Variants in COLQ observed in about 807,000 individuals in gnomAD.
COLQ encodes the protein collagen like tail subunit of asymmetric acetylcholinesterase.
In COLQ, 48 loss-of-function variants were observed where a neutral mutation model predicts 69.0. The observed-to-expected ratio is 0.70, with a 90% CI of 0.55 to 0.88. The LOEUF (loss-of-function observed/expected upper bound fraction) is 0.88. Ranked by LOEUF, COLQ falls within the 40% of genes least tolerant of loss-of-function variation. The pLI, the probability that COLQ is intolerant of heterozygous loss-of-function variation, is 0.00. For synonymous variants in COLQ, 217 were observed against 211.2 expected (o/e 1.03, Z -0.24); for missense variants, 618 against 594.6 (o/e 1.04, Z -0.41).
chr3:15,489,455 A>C (rs2062626805), intron 2 of COLQ, 70 bp downstream of exon 2: 1 of 1,398,216 alleles, frequency 7.2e-7, no homozygotes, highest in Non-Finnish European at 1.0e-6. Context: ...TGGGGCAGGC[A>C]GGTGGGGCTG....
intron 6 of COLQ, among the ~76,000 whole-genome samples, chr3:15,476,804 C>G (rs1007695231): frequency 2.0e-4 from 30 of 152,192 alleles, no homozygotes; most frequent in African/African-American, 7.0e-4. Flanking sequence ...GCTTCCCAGA[C>G]GCAAGCCCCT....
chr3:15,458,584 G>A (rs868357163), intron 12 of COLQ, among the ~76,000 whole-genome samples: 1 of 152,150 alleles, frequency 6.6e-6, no homozygotes, highest in African/African-American at 2.4e-5. Context: ...CAGCAGCCGT[G>A]TTGCAACCAG....
At chr3:15,468,396 G>C (rs1417826390) in intron 11 of COLQ, among the ~76,000 whole-genome samples, 1 of 135,114 alleles carries the variant, frequency 7.4e-6, no homozygotes, top group Admixed American at 8.7e-5. Flanking sequence ...GCAGTGGCGT[G>C]ATCTTAGCTC....
intron 8 of COLQ, among the ~76,000 whole-genome samples, chr3:15,474,585 T>C (rs1250610798): frequency 6.6e-6 from 1 of 151,758 alleles, no homozygotes; most frequent in Non-Finnish European, 1.5e-5. Flanking sequence ...CAGAAGGTTG[T>C]GTGGTGGTGA....
chr3:15,486,134 C>T (rs2062569513), intron 3 of COLQ, among the ~76,000 whole-genome samples: 2 of 152,152 alleles, frequency 1.3e-5, no homozygotes, highest in Non-Finnish European at 2.9e-5. Context: ...GTTTTCATTC[C>T]AATCTCTTGA....
intron 1 of COLQ, among the ~76,000 whole-genome samples, chr3:15,513,013 TG>T (rs1448122557): frequency 2.6e-5 from 4 of 152,238 alleles, no homozygotes; most frequent in Non-Finnish European, 4.4e-5. Context: ...CCAGGCACTG[TG>T]TGACTGCACC....
chr3:15,452,736 C>T (rs1040968568), intron 16 of COLQ, among the ~76,000 whole-genome samples: 1 of 152,132 alleles, frequency 6.6e-6, no homozygotes. Context: ...GGAGTGGGGT[C>T]CTGGCCAAGC....
Position 15,507,091 on chromosome 3 carries a change from G to A in COLQ, c.106+14429C>T, listed in dbSNP as rs117104484. Among the ~76,000 whole-genome samples the A allele has an allele frequency of 9.3e-3, 1,411 of 151,826 alleles. 17 individuals carry two copies. The highest frequency in any genetic ancestry group is 0.048 in the South Asian group (229 of 4,786). On this transcript the variant is annotated intron_variant, in intron 1 of 16. Transcript: ENST00000383788. ...GCTAGGATTACAGCTGTGAGCCACC[G>A]TGCCACCCCACTTTCTTTTCTATGG...
At chr3:15,494,001 T>C (rs772374079) in intron 1 of COLQ, among the ~76,000 whole-genome samples, 13 of 152,198 alleles carry the variant, frequency 8.5e-5, no homozygotes, top group Non-Finnish European at 1.9e-4. Context: ...GAGAATTGCT[T>C]GAACTTGGGA....
rs538856744 is a variant in COLQ, at chr3:15,518,044, C to T, written c.106+3476G>A. ...CACTGCTACCTCCGCCTCCCAGGTT[C>T]AAGCAATTCTCCCGCCTCAGCCTCC... On this transcript the variant is annotated intron_variant, in intron 1 of 16. Transcript: ENST00000383788. Among the ~76,000 whole-genome samples, 8 of 152,304 alleles carry T rather than the reference C, an allele frequency of 5.3e-5. No homozygotes were observed. In the East Asian group the frequency reaches 9.6e-4, roughly 18 times the overall value.
chr3:15,464,548 G>A (rs966626927), intron 12 of COLQ, among the ~76,000 whole-genome samples: 1 of 152,148 alleles, frequency 6.6e-6, no homozygotes, highest in African/African-American at 2.4e-5. Context: ...CTAGTAGGTT[G>A]GACTCTCAGA....
chr3:15,520,416 C>G (rs1180808788), intron 1 of COLQ, among the ~76,000 whole-genome samples: 1 of 152,230 alleles, frequency 6.6e-6, no homozygotes, highest in African/African-American at 2.4e-5. Flanking sequence ...TGCTGATGAG[C>G]TGTTTTTATC....
rs2062332578 is a variant in COLQ, at chr3:15,473,926, G to A, written c.636+74C>T. On this transcript the variant is annotated intron_variant, in intron 10 of 16. Transcript: ENST00000383788. This position sits in a 1 kb window ranked among gnomAD's most constrained non-coding sequence, Gnocchi z 4.0. ...TCCCTGCCTGATAGACAAGGAGGCA[G>A]AGTTCTTTTTGTTGTGCTTGGAGGA... is the stretch of plus-strand genomic sequence containing the variant. 2 of 1,496,512 alleles carry A rather than the reference G, an allele frequency of 1.3e-6. No homozygotes were observed. Among genetic ancestry groups the A allele is most frequent in the Admixed American group, 1.7e-5 (1 of 58,918 alleles). 92.7% of individuals were successfully genotyped at this position (1,496,512 alleles called of 1,614,324 possible). A position where few individuals can be genotyped will look rare whatever the true frequency, so the allele number is the denominator to read the frequency against.
intron 16 of COLQ, among the ~76,000 whole-genome samples, chr3:15,452,591 C>A (rs985893178): frequency 6.6e-6 from 1 of 151,996 alleles, no homozygotes; most frequent in Admixed American, 6.6e-5. Flanking sequence ...GGGCTCTACT[C>A]GATCCTGTAC....
At chr3:15,497,696 T>C (rs2062765743) in intron 1 of COLQ, among the ~76,000 whole-genome samples, 1 of 152,178 alleles carries the variant, frequency 6.6e-6, no homozygotes, top group South Asian at 2.1e-4. Flanking sequence ...GGAACTTGCA[T>C]GAGAGAGACA....
chr3:15,459,154 C>A (rs973399450), intron 12 of COLQ, among the ~76,000 whole-genome samples: 19 of 152,248 alleles, frequency 1.2e-4, no homozygotes, highest in African/African-American at 4.1e-4. Context: ...AATGTAGGAT[C>A]TTTACAGAGG....
chr3:15,486,765 C>G (rs2062582266), intron 3 of COLQ, among the ~76,000 whole-genome samples: 3 of 152,164 alleles, frequency 2.0e-5, no homozygotes, highest in Admixed American at 1.3e-4. Flanking sequence ...GAACCTATAC[C>G]AACCCCGTGC....
chr3:15,455,758 G>T, intron 15 of COLQ, 141 bp downstream of exon 15: 1 of 1,024,316 alleles, frequency 9.8e-7, no homozygotes, highest in Non-Finnish European at 1.5e-6. Flanking sequence ...GACTGGGGTG[G>T]GTGGCACAAG....
intron 16 of COLQ, among the ~76,000 whole-genome samples, chr3:15,452,448 G>A (rs1195356985): frequency 6.6e-6 from 1 of 152,206 alleles, no homozygotes; most frequent in African/African-American, 2.4e-5. Flanking sequence ...ATATTGGACA[G>A]TGCAGTTTAT....
Sources: gnomAD v4.1 joint callset for allele counts (sites outside exome capture counted in the v4.1 genomes callset) on GRCh38, gnomAD v4.1.1 for gene constraint, Gnocchi (gnomAD v3.1) non-coding constraint, MANE v1.5 for transcripts, NCBI Gene and HGNC (gene_info 2026-07-23, HGNC 2026-07-21) for gene names.